Variants in EPM2A observed in about 807,000 individuals in gnomAD.
The protein encoded by EPM2A is laforin.
A neutral mutation model predicts 26.5 loss-of-function variants in EPM2A; 21 were observed. The observed-to-expected ratio is 0.79, with a 90% confidence interval of 0.56 to 1.14. The LOEUF (loss-of-function observed/expected upper bound fraction) is 1.14. EPM2A is among the 50% of genes most tolerant of loss of function. The pLI is 0.00. For missense variants in EPM2A, 458 were observed against 440.8 expected (o/e 1.04, Z -0.35); for synonymous variants, 217 against 177.6 (o/e 1.22, Z -1.76).
At chr6:145,658,584 G>T (rs1381748322) in intron 2 of EPM2A, among the ~76,000 whole-genome samples, 2 of 152,184 alleles carry the variant, frequency 1.3e-5, no homozygotes, top group African/African-American at 4.8e-5. Context: ...CCAGATGAAA[G>T]TTATGTTATT....
At chr6:145,728,406 A>G (rs947261769) in intron 1 of EPM2A, among the ~76,000 whole-genome samples, 1 of 152,220 alleles carries the variant, frequency 6.6e-6, no homozygotes, top group African/African-American at 2.4e-5. Flanking sequence ...ACTGATATGG[A>G]CAGTGAAGTC....
intron 4 of EPM2A, among the ~76,000 whole-genome samples, chr6:145,482,350 T>C (rs1356738737): frequency 6.6e-6 from 1 of 152,094 alleles, no homozygotes; most frequent in African/African-American, 2.4e-5. Context: ...GTCTTCTACA[T>C]AGTGAATATA....
chr6:145,735,466 G>T lies in EPM2A; in HGVS notation c.33C>A (p.Pro11=). Residue 11 remains proline (P), a synonymous_variant, in exon 1 of 4, where the codon CCC becomes CCA. Coordinates refer to ENST00000367519, the MANE Select transcript of EPM2A (RefSeq NM_005670.4). ...GCTCCGGCCGGGCGCCGGCCACGGC[G>T]GGTGGCACCACCACCCCAAAGCGGA... is the stretch of plus-strand genomic sequence containing the variant. MRFRFGVVVP[P]AVAGARPELL... 8.2e-7 allele frequency: 1 copy of T among 1,225,000 alleles called. No individual in the cohort carries two copies. The highest frequency in any genetic ancestry group is 1.0e-6 in the Non-Finnish European group (1 of 980,922). The allele number at this position is 1,225,000 out of a possible 1,614,324, so 75.9% of individuals were successfully genotyped here.
At chr6:145,559,755 G>GT (rs1272344455) in intron 2 of EPM2A, among the ~76,000 whole-genome samples, 1 of 144,016 alleles carries the variant, frequency 6.9e-6, no homozygotes, top group Non-Finnish European at 1.5e-5. Context: ...TACCAACTTT[G>GT]TAAGATGCTA....
chr6:145,699,236 TAGTG>T (rs1256053898), intron 1 of EPM2A, among the ~76,000 whole-genome samples: 2 of 152,158 alleles, frequency 1.3e-5, no homozygotes, highest in African/African-American at 4.8e-5. Context: ...AGGAAGCCAT[TAGTG>T]AGTGAAACGA....
intron 4 of EPM2A, among the ~76,000 whole-genome samples, chr6:145,438,099 G>A (rs957330639): frequency 3.9e-5 from 6 of 152,048 alleles, no homozygotes; most frequent in South Asian, 2.1e-4. Context: ...GTGTGCACAC[G>A]TGTGTGTGTG....
At chr6:145,509,449 A>G (rs1250810478) in intron 2 of EPM2A, among the ~76,000 whole-genome samples, 4 of 152,238 alleles carry the variant, frequency 2.6e-5, no homozygotes, top group African/African-American at 9.6e-5. Flanking sequence ...ATTTTTAAAG[A>G]AAAGAAATCC....
chr6:145,403,753 GA>G (rs1019396937), intron 4 of EPM2A, among the ~76,000 whole-genome samples: 29 of 152,180 alleles, frequency 1.9e-4, no homozygotes, highest in African/African-American at 6.7e-4. Flanking sequence ...TTAATATAAT[GA>G]TTTCCTTTCT....
At chr6:145,409,810 T>A (rs1376269627) in intron 4 of EPM2A, among the ~76,000 whole-genome samples, 1 of 152,194 alleles carries the variant, frequency 6.6e-6, no homozygotes, top group Non-Finnish European at 1.5e-5. Context: ...CACTGAGGTT[T>A]ACTCATGTGG....
chr6:145,549,662 G>A (rs1780628344), intron 2 of EPM2A, among the ~76,000 whole-genome samples: 4 of 152,128 alleles, frequency 2.6e-5, no homozygotes, highest in Admixed American at 2.6e-4. Flanking sequence ...TAGCAGAGCT[G>A]AGCATAGGAA....
intron 2 of EPM2A, among the ~76,000 whole-genome samples, chr6:145,548,467 G>A (rs1360784037): frequency 6.6e-6 from 1 of 152,018 alleles, no homozygotes; most frequent in East Asian, 1.9e-4. Flanking sequence ...TGGCAAACTC[G>A]GGCATGACAA....
intron 2 of EPM2A, among the ~76,000 whole-genome samples, chr6:145,541,905 C>T (rs755318150): frequency 6.6e-6 from 1 of 151,286 alleles, no homozygotes; most frequent in Non-Finnish European, 1.5e-5. Context: ...AGTAATATGT[C>T]GATTTTTGGA....
intron 2 of EPM2A, among the ~76,000 whole-genome samples, chr6:145,648,425 T>G (rs1777641919): frequency 6.6e-6 from 1 of 152,234 alleles, no homozygotes; most frequent in Admixed American, 6.5e-5. Context: ...CAATAAAGTT[T>G]CATTCATGCT....
chr6:145,592,104 G>A (rs1460725388), intron 2 of EPM2A, among the ~76,000 whole-genome samples: 1 of 151,554 alleles, frequency 6.6e-6, no homozygotes, highest in East Asian at 1.9e-4. Context: ...TTGGTGTGCT[G>A]CACCCGTTAA....
chr6:145,653,935 C>T (rs1778071040), intron 2 of EPM2A, among the ~76,000 whole-genome samples: 1 of 152,218 alleles, frequency 6.6e-6, no homozygotes, highest in Admixed American at 6.5e-5. Context: ...TTAACTCTCA[C>T]AGATGCATAT....
chr6:145,430,210 T>C (rs1778904295), intron 4 of EPM2A, among the ~76,000 whole-genome samples: 2 of 150,752 alleles, frequency 1.3e-5, no homozygotes, highest in South Asian at 4.2e-4. Flanking sequence ...TAAATAAAAA[T>C]AAACGATGTT....
intron 1 of EPM2A, among the ~76,000 whole-genome samples, chr6:145,701,575 G>A (rs1781911593): frequency 6.6e-6 from 1 of 152,074 alleles, no homozygotes; most frequent in Non-Finnish European, 1.5e-5. Context: ...ACATCCCTAG[G>A]CCAATTGCTA....
chr6:145,474,823 A>G (rs760459371), intron 4 of EPM2A, among the ~76,000 whole-genome samples: 2 of 152,200 alleles, frequency 1.3e-5, no homozygotes, highest in Non-Finnish European at 2.9e-5. Flanking sequence ...ATGAACAGAC[A>G]CTTCTCAAAA....
chr6:145,681,928 A>G (rs1780566787), intron 2 of EPM2A, among the ~76,000 whole-genome samples: 1 of 152,146 alleles, frequency 6.6e-6, no homozygotes, highest in South Asian at 2.1e-4. Flanking sequence ...CTAATTATGT[A>G]AAGTACCTCT....
Sources: gnomAD v4.1 joint callset for allele counts (sites outside exome capture counted in the v4.1 genomes callset) on GRCh38, gnomAD v4.1.1 for gene constraint, MANE v1.5 for transcripts, NCBI Gene and HGNC (gene_info 2026-07-23, HGNC 2026-07-21) for gene names.